The following BLTP3A variants were observed in gnomAD, a reference collection of about 807,000 sequenced individuals.
BLTP3A encodes bridge-like lipid transfer protein family member 3A.
At chr6:34,821,615 C>G in the BLTP3A span, 4 of 1,555,134 alleles carry the variant, frequency 2.6e-6, no homozygotes, top group Non-Finnish European at 3.5e-6. Flanking sequence ...TAGCAGATTC[C>G]CATGGAAATA....
the BLTP3A span, chr6:34,867,733 C>A: frequency 2.2e-6 from 3 of 1,338,892 alleles, no homozygotes; most frequent in Non-Finnish European, 3.0e-6. Context: ...CAAGTTCTCT[C>A]CAGCAGCCAT....
the BLTP3A span, among the ~76,000 whole-genome samples, chr6:34,840,006 C>T: frequency 6.6e-6 from 1 of 152,228 alleles, no homozygotes; most frequent in Non-Finnish European, 1.5e-5. Context: ...CTTTTACAGA[C>T]AATAGTGGTA....
the BLTP3A span, among the ~76,000 whole-genome samples, chr6:34,810,961 C>T: frequency 8.4e-3 from 1,280 of 152,210 alleles, 19 homozygotes; most frequent in African/African-American, 0.027. Flanking sequence ...TCATGACATA[C>T]CTAACCTTTT....
At chr6:34,792,258 G>A in the BLTP3A span, 1 of 1,542,044 alleles carries the variant, frequency 6.5e-7, no homozygotes, top group East Asian at 2.5e-5. Context: ...GGCATGGCCG[G>A]GATCATTAAG....
the BLTP3A span, among the ~76,000 whole-genome samples, chr6:34,836,880 T>C: frequency 6.6e-6 from 1 of 152,250 alleles, no homozygotes; most frequent in Non-Finnish European, 1.5e-5. Flanking sequence ...TTTGTATTTA[T>C]TCAGAATGAA....
At chr6:34,836,060 CTG>C in the BLTP3A span, 6 of 1,444,774 alleles carry the variant, frequency 4.2e-6, no homozygotes, top group East Asian at 9.2e-5. Context: ...TCTTGCTAAA[CTG>C]TGGTTTTCTT....
chr6:34,872,383 A>T, the BLTP3A span: 10 of 1,613,270 alleles, frequency 6.2e-6, no homozygotes, highest in Non-Finnish European at 6.8e-6. Context: ...GCCAACCAGG[A>T]TAAAGAAAAA....
chr6:34,829,984 T>G, the BLTP3A span, among the ~76,000 whole-genome samples: 24 of 151,888 alleles, frequency 1.6e-4, no homozygotes, highest in Non-Finnish European at 1.9e-4. Context: ...TTTTTGTGTG[T>G]GTGTGTTTTT....
chr6:34,861,429 A>C, the BLTP3A span, among the ~76,000 whole-genome samples: 18 of 152,248 alleles, frequency 1.2e-4, no homozygotes, highest in Non-Finnish European at 2.2e-4. Flanking sequence ...CCTGGCCTAT[A>C]ATTTTAATTT....
the BLTP3A span, among the ~76,000 whole-genome samples, chr6:34,796,169 A>G: frequency 6.6e-6 from 1 of 152,236 alleles, no homozygotes; most frequent in Non-Finnish European, 1.5e-5. Context: ...CTTGTTGCTG[A>G]TGATGCCATT....
At chr6:34,874,117 T>C in the BLTP3A span, 7 of 152,238 alleles carry the variant, frequency 4.6e-5, no homozygotes, top group Middle Eastern at 3.2e-3. Context: ...TACCTAAGGC[T>C]TGATGCTTGG....
the BLTP3A span, among the ~76,000 whole-genome samples, chr6:34,862,873 A>G: frequency 6.7e-6 from 1 of 148,868 alleles, no homozygotes; most frequent in African/African-American, 2.5e-5. Flanking sequence ...TCTGAGCCCT[A>G]TTTCTCATTC....
chr6:34,868,562 A>C, the BLTP3A span, among the ~76,000 whole-genome samples: 1 of 150,928 alleles, frequency 6.6e-6, no homozygotes, highest in East Asian at 2.0e-4. Context: ...GTCTCTACTA[A>C]AATACAAAAA....
chr6:34,872,221 C>G, the BLTP3A span: 1 of 1,438,448 alleles, frequency 7.0e-7, no homozygotes, highest in Non-Finnish European at 9.3e-7. Flanking sequence ...GTGGATTTTT[C>G]TCCTTGAACT....
chr6:34,822,101 G>C, the BLTP3A span: 5 of 995,714 alleles, frequency 5.0e-6, no homozygotes, highest in Admixed American at 1.1e-4. Flanking sequence ...GAGACAGTGT[G>C]ACTGTTGTCT....
At chr6:34,860,246 G>A in the BLTP3A span, among the ~76,000 whole-genome samples, 1 of 152,170 alleles carries the variant, frequency 6.6e-6, no homozygotes, top group Non-Finnish European at 1.5e-5. Context: ...TGTGTGCTGG[G>A]CTCTGTGTTA....
At chr6:34,824,031 C>A in the BLTP3A span, among the ~76,000 whole-genome samples, 1 of 150,654 alleles carries the variant, frequency 6.6e-6, no homozygotes, top group Admixed American at 6.6e-5. Context: ...CATCATCTGC[C>A]TCCCAGGCTC....
the BLTP3A span, chr6:34,877,173 C>A: frequency 6.6e-6 from 1 of 152,594 alleles, no homozygotes; most frequent in Non-Finnish European, 1.5e-5. Context: ...AATTCTGTTT[C>A]CCCCACTGAG....
the BLTP3A span, among the ~76,000 whole-genome samples, chr6:34,809,923 C>T: frequency 1.3e-5 from 2 of 152,098 alleles, no homozygotes; most frequent in Non-Finnish European, 2.9e-5. Flanking sequence ...TTGATTGACA[C>T]ATATTTTGTA....
Sources: allele counts gnomAD v4.1 joint callset (sites outside exome capture counted in the v4.1 genomes callset), GRCh38; gene constraint gnomAD v4.1.1; transcripts MANE v1.5; gene names NCBI Gene and HGNC (gene_info 2026-07-23, HGNC 2026-07-21).